The following RAB27B variants were observed in gnomAD, a reference collection of about 807,000 sequenced individuals.
RAB27B encodes the protein RAB27B, member RAS oncogene family, also known as ras-related protein Rab-27B.
In RAB27B, 15 loss-of-function variants were observed where a neutral mutation model predicts 24.6. The ratio of observed to expected loss-of-function variants is 0.61; its 90% CI spans 0.41 to 0.94. RAB27B has a LOEUF of 0.94. RAB27B is among the 40% of genes least tolerant of loss of function. RAB27B has a pLI of 0.00. For synonymous variants in RAB27B, 105 were observed against 92.5 expected (o/e 1.14, Z -0.78); for missense variants, 261 against 266.8 (o/e 0.98, Z 0.15).
At position 54,744,298 on chromosome 18, in the gene RAB27B, A is replaced by G. The variant is rs151262901; in HGVS notation, c.-20+26157A>G. 1.8e-3 allele frequency among the ~76,000 whole-genome samples: 281 copies of G among 152,310 alleles called. 1 individual carries two copies. The highest frequency in any genetic ancestry group is 6.2e-3 in the African/African-American group (259 of 41,560). ...ATTTATTTTTATTTCAAAATGTGAT[A>G]AAGAAATCTTCTAAGAGAAGATAAA... is the stretch of plus-strand genomic sequence containing the variant. On this transcript the variant is annotated intron_variant, in intron 2 of 4. Coordinates refer to the RAB27B transcript ENST00000586570.
chr18:54,870,163 C>T (rs1365959672), intron 1 of RAB27B, among the ~76,000 whole-genome samples: 1 of 151,960 alleles, frequency 6.6e-6, no homozygotes, highest in East Asian at 1.9e-4. Flanking sequence ...AAAAACAAGA[C>T]AAATTTTACT....
intron 2 of RAB27B, among the ~76,000 whole-genome samples, chr18:54,756,592 GA>G (rs1331785682): frequency 5.3e-5 from 8 of 152,090 alleles, no homozygotes; most frequent in Non-Finnish European, 1.0e-4. Context: ...TGGTGTTGAT[GA>G]ACAGGAGCCT....
intron 1 of RAB27B, among the ~76,000 whole-genome samples, chr18:54,869,750 A>G (rs1912388281): frequency 6.6e-6 from 1 of 152,252 alleles, no homozygotes; most frequent in Admixed American, 6.5e-5. Context: ...CCTTCCACAA[A>G]TAGGTTCAAA....
rs1487335776 is a variant in RAB27B at position 54,888,003 on chromosome 18, C to A, written c.352C>A (p.Gln118Lys). ...LNVRNWMSQLQANAYCENPDI... is the reference protein window; with the variant it reads ...LNVRNWMSQLKANAYCENPDI... ...TCTGCTTTCTTTTCAAGGCCAACTGCAAGCAAATGCTTATTGTGAAAATCC... is the reference window on the plus strand; with the variant it reads ...TCTGCTTTCTTTTCAAGGCCAACTGAAAGCAAATGCTTATTGTGAAAATCC... The change falls in exon 5 of 6, where the codon CAA (glutamine) becomes AAA (lysine). Residue 118 changes from glutamine (Q) to lysine (K), a missense_variant. Physicochemically the swap from Gln to Lys is moderately conservative, Grantham distance 53. Transcript: ENST00000262094. 6.2e-7 allele frequency: 1 copy of A among 1,609,762 alleles called. No individual in the cohort carries two copies. The highest frequency in any genetic ancestry group is 8.5e-7 in the Non-Finnish European group (1 of 1,177,668).
At chr18:54,870,350 G>C (rs1912412606) in intron 1 of RAB27B, among the ~76,000 whole-genome samples, 1 of 152,090 alleles carries the variant, frequency 6.6e-6, no homozygotes, top group Non-Finnish European at 1.5e-5. Flanking sequence ...CTCAATAGAG[G>C]AAGAAAGTGC....
At chr18:54,786,409 C>T (rs1383789399) in intron 2 of RAB27B, among the ~76,000 whole-genome samples, 1 of 152,188 alleles carries the variant, frequency 6.6e-6, no homozygotes, top group African/African-American at 2.4e-5. Context: ...GGCTTTATTT[C>T]TGTCTCATTC....
chr18:54,862,871 TCAAATAACAAACA>T (rs1912061588), intron 1 of RAB27B, among the ~76,000 whole-genome samples: 1 of 152,228 alleles, frequency 6.6e-6, no homozygotes, highest in Non-Finnish European at 1.5e-5. Flanking sequence ...TGGAACTTTG[TCAAATAACAAACA>T]TTTCTATAAA....
At chr18:54,807,924 G>A (rs1002907701) in intron 2 of RAB27B, among the ~76,000 whole-genome samples, 4 of 152,152 alleles carry the variant, frequency 2.6e-5, no homozygotes, top group Admixed American at 1.3e-4. Context: ...TCTGAACGTA[G>A]GAATCCATAT....
chr18:54,746,613 G>C (rs989983177), intron 2 of RAB27B, among the ~76,000 whole-genome samples: 1 of 152,152 alleles, frequency 6.6e-6, no homozygotes, highest in Non-Finnish European at 1.5e-5. Flanking sequence ...TTAAGATAGA[G>C]AGGCTGGAAT....
intron 2 of RAB27B, among the ~76,000 whole-genome samples, chr18:54,731,291 C>T (rs570312144): frequency 6.6e-6 from 1 of 152,144 alleles, no homozygotes; most frequent in East Asian, 1.9e-4. Flanking sequence ...TATAGAGCAA[C>T]AAAAAAATGG....
In RAB27B at chr18:54,890,263, A is replaced by G. The variant is rs971934885; in HGVS notation, c.*850A>G. 6.6e-6 allele frequency: 1 copy of G among 152,156 alleles called. No homozygotes were observed. Among genetic ancestry groups the G allele is most frequent in the Admixed American group, 6.6e-5 (1 of 15,260 alleles). The allele number at this position is 152,156 out of a possible 1,614,324, so 9.4% of individuals were successfully genotyped here. On this transcript the variant is annotated 3_prime_UTR_variant, in exon 6 of 6. Transcript: ENST00000262094. ...AATTAAGAGAACTCCAGAGGTTTCCATTTCAAACAAAATTTTAGAAATTGG... is the reference window on the plus strand; with the variant it reads ...AATTAAGAGAACTCCAGAGGTTTCCGTTTCAAACAAAATTTTAGAAATTGG...
At chr18:54,779,477 C>T (rs1908821845) in intron 2 of RAB27B, among the ~76,000 whole-genome samples, 1 of 152,128 alleles carries the variant, frequency 6.6e-6, no homozygotes, top group Non-Finnish European at 1.5e-5. Context: ...CAAGACTGCT[C>T]GGTGGGACAC....
chr18:54,822,960 G>A (rs1417975916), intron 2 of RAB27B, among the ~76,000 whole-genome samples: 1 of 152,058 alleles, frequency 6.6e-6, no homozygotes, highest in Non-Finnish European at 1.5e-5. Flanking sequence ...TCTCAAATGA[G>A]GTCCAAGTAT....
In RAB27B at chr18:54,844,533, A is replaced by C. The variant is rs181831414; in HGVS notation, c.-20+15833A>C. 2.7e-5 allele frequency among the ~76,000 whole-genome samples: 4 copies of C among 150,406 alleles called. No homozygotes were observed. In the East Asian group the frequency reaches 7.8e-4, roughly 29 times the overall value. On this transcript the variant is annotated intron_variant, in intron 1 of 5. Transcript: ENST00000262094. Reference sequence around the variant, plus strand: ...GTGATTCTCCTACCTCACCCTCCCGAGTAGCTGGGATTGCAGGCATTAGCC... The same window carrying C: ...GTGATTCTCCTACCTCACCCTCCCGCGTAGCTGGGATTGCAGGCATTAGCC...
At chr18:54,787,173 T>C (rs543230572) in intron 2 of RAB27B, among the ~76,000 whole-genome samples, 2 of 152,346 alleles carry the variant, frequency 1.3e-5, no homozygotes, top group South Asian at 4.1e-4. Flanking sequence ...GTTGGCTCCA[T>C]GGACAGGCAG....
In RAB27B at chr18:54,877,554, C is replaced by T. The variant is rs772866089; in HGVS notation, c.-19-13C>T. Reference sequence around the variant, plus strand: ...TTTAATCAAAACATACTTGTTTTCCCTCTCCTATACAGACCGACCAAGACC... The same window carrying T: ...TTTAATCAAAACATACTTGTTTTCCTTCTCCTATACAGACCGACCAAGACC... On this transcript the variant is annotated splice_polypyrimidine_tract_variant and intron_variant, in intron 1 of 5. Transcript: ENST00000262094. 2.2e-6 allele frequency: 3 copies of T among 1,358,014 alleles called. No homozygotes were observed. The African/African-American group carries it at 4.5e-5, about 21-fold the overall frequency. The allele number at this position is 1,358,014 out of a possible 1,614,324, so 84.1% of individuals were successfully genotyped here.
intron 4 of RAB27B, 110 bp from the exon 5 acceptor site, chr18:54,887,868 GGCCAATATAACTAGTAA>G (rs1186645014): frequency 3.4e-5 from 36 of 1,057,450 alleles, no homozygotes; most frequent in Non-Finnish European, 4.3e-5. Context: ...GAAGTAACTT[GGCCAATATAACTAGTAA>G]GCAACCAAAC....
chr18:54,822,206 G>C (rs1040279548), intron 2 of RAB27B, among the ~76,000 whole-genome samples: 1 of 152,068 alleles, frequency 6.6e-6, no homozygotes, highest in Non-Finnish European at 1.5e-5. Context: ...AAATTAATTT[G>C]ATAAAAGTGT....
chr18:54,856,541 G>A lies in RAB27B; in HGVS notation c.-19-21026G>A, dbSNP rs28615376. ...ATGGATGGGGCAAAACTGGGAGCATGGAGACAAGTTAGGAGGCTCTTATTA... is the reference window on the plus strand; with the variant it reads ...ATGGATGGGGCAAAACTGGGAGCATAGAGACAAGTTAGGAGGCTCTTATTA... On this transcript the variant is annotated intron_variant, in intron 1 of 5. Transcript: ENST00000262094. Among the ~76,000 whole-genome samples the A allele has an allele frequency of 6.6e-3, 1,012 of 152,306 alleles. 11 individuals carry two copies. Among genetic ancestry groups the A allele is most frequent in the African/African-American group, 0.023 (974 of 41,564 alleles).
Sources: allele counts gnomAD v4.1 joint callset (sites outside exome capture counted in the v4.1 genomes callset), GRCh38; gene constraint gnomAD v4.1.1; transcripts MANE v1.5; gene names NCBI Gene and HGNC (gene_info 2026-07-23, HGNC 2026-07-21).